Variants in DLGAP5 observed in about 807,000 individuals in gnomAD.
DLGAP5 encodes the protein disks large-associated protein 5.
In DLGAP5, 90 loss-of-function variants were observed where a neutral mutation model predicts 99.6. The observed-to-expected ratio is 0.90, with a 90% CI of 0.76 to 1.08. The LOEUF (loss-of-function observed/expected upper bound fraction) is 1.08. Ranked by LOEUF, DLGAP5 falls within the 50% of genes least tolerant of loss-of-function variation. DLGAP5 has a pLI of 0.00. For missense variants in DLGAP5, 1,036 were observed against 983.5 expected, an observed-to-expected ratio of 1.05 and a Z score of -0.71; for synonymous variants, 311 against 321.3, an observed-to-expected ratio of 0.97 and a Z score of 0.34.
In DLGAP5 at chr14:55,176,924, G is replaced by C. The variant is rs905147947; in HGVS notation, c.1049+138C>G. On this transcript the variant is annotated intron_variant, in intron 8 of 18. Transcript: ENST00000247191. ...ACCCGGGTGGCGGAGCTTACAGTGA[G>C]GGGAGATCACGCCACTGCACTCCAG... is the stretch of plus-strand genomic sequence containing the variant. The C allele has an allele frequency of 1.6e-5, 10 of 635,972 alleles. No homozygotes were observed. The East Asian group carries it at 3.8e-4, about 24-fold the overall frequency. The allele number at this position is 635,972 out of a possible 1,614,324, so 39.4% of individuals were successfully genotyped here.
intron 13 of DLGAP5, among the ~76,000 whole-genome samples, chr14:55,160,017 A>G (rs1421501887): frequency 6.6e-6 from 1 of 152,118 alleles, no homozygotes; most frequent in Non-Finnish European, 1.5e-5. Flanking sequence ...AGCCTGGCCA[A>G]CATGGAGAAA....
intron 10 of DLGAP5, among the ~76,000 whole-genome samples, chr14:55,174,703 A>G (rs28458773): frequency 0.027 from 4,049 of 152,204 alleles, 174 homozygotes; most frequent in African/African-American, 0.093. Context: ...AGATATATAT[A>G]TATTTTGAGA....
rs151302017 is a variant in DLGAP5 at position 55,177,037 on chromosome 14, CTTATTA to C, written c.1049+19_1049+24del. ...ATTTATTACCCATCTTAGCAAGAGA[CTTATTA>C]TTAAGATCATATTCTTACACTTCTG... On this transcript the variant is annotated intron_variant, in intron 8 of 18. Transcript: ENST00000247191. 1 of 846,242 alleles carries C rather than the reference CTTATTA, an allele frequency of 1.2e-6. No individual in the cohort carries two copies. The highest frequency in any genetic ancestry group is 1.6e-6 in the Non-Finnish European group (1 of 626,906). The allele number at this position is 846,242 out of a possible 1,614,324, so 52.4% of individuals were successfully genotyped here.
Position 55,158,540 on chromosome 14 carries a change from G to A in DLGAP5, c.1855C>T (p.Pro619Ser). 1 of 1,613,340 alleles carries A rather than the reference G, an allele frequency of 6.2e-7. No homozygotes were observed. Among genetic ancestry groups the A allele is most frequent in the Non-Finnish European group, 8.5e-7 (1 of 1,179,658 alleles). Reference sequence around the variant, plus strand: ...AACTAACCTGAGAATAATTTAACAGGACTTTCAACTCTGAAAAATCCAGCA... The same window carrying A: ...AACTAACCTGAGAATAATTTAACAGAACTTTCAACTCTGAAAAATCCAGCA... Reference protein sequence around the residue: ...FDAGFFRVESPVKLFSGLSVS... With the variant: ...FDAGFFRVESSVKLFSGLSVS... The change falls in exon 14 of 19, where the codon CCT (proline) becomes TCT (serine). Residue 619 changes from proline (P) to serine (S), a missense_variant. Coordinates refer to ENST00000247191, the MANE Select transcript of DLGAP5 (RefSeq NM_014750.5).
chr14:55,152,773 A>C, intron 15 of DLGAP5, 126 bp from the exon 16 acceptor site: 2 of 720,240 alleles, frequency 2.8e-6, no homozygotes, highest in Non-Finnish European at 4.2e-6. Context: ...GCCTGGTGCA[A>C]GATCAGGCGT....
chr14:55,162,252 A>G (rs934221706), intron 13 of DLGAP5, among the ~76,000 whole-genome samples: 4 of 152,324 alleles, frequency 2.6e-5, no homozygotes, highest in African/African-American at 9.6e-5. Context: ...ATAATATTTG[A>G]CACATACTAA....
intron 14 of DLGAP5, among the ~76,000 whole-genome samples, chr14:55,156,839 T>C (rs1363480413): frequency 1.3e-5 from 2 of 152,206 alleles, no homozygotes; most frequent in African/African-American, 4.8e-5. Context: ...TGCAGAATGT[T>C]ATAAAATGAA....
chr14:55,177,521 C>T (rs980336796), intron 7 of DLGAP5, among the ~76,000 whole-genome samples, 185 bp from the exon 8 acceptor site: 1 of 151,576 alleles, frequency 6.6e-6, no homozygotes, highest in Non-Finnish European at 1.5e-5. Flanking sequence ...AAATCCATTG[C>T]TATTACCCGG....
At position 55,177,298 on chromosome 14, in the gene DLGAP5, C is replaced by G. The variant is rs760482885; in HGVS notation, c.813G>C (p.Leu271Phe). The change falls in exon 8 of 19, where the codon TTG becomes TTC. Residue 271 changes from leucine to phenylalanine, a missense_variant. By Grantham distance (22) the Leu-to-Phe change is conservative. Transcript: ENST00000247191. ...CACTTGTTGCATTAGTTTGTGAATT[C>G]AAAGTATTTTCTTCACTATCGACTT... is the stretch of plus-strand genomic sequence containing the variant. ...SCKVDSEENT[L>F]NSQTNATSGM... 3.1e-6 allele frequency: 5 copies of G among 1,607,074 alleles called. No individual in the cohort carries two copies. The African/African-American group carries it at 6.7e-5, about 22-fold the overall frequency.
At chr14:55,157,983 A>G (rs1380768206) in intron 14 of DLGAP5, among the ~76,000 whole-genome samples, 6 of 152,138 alleles carry the variant, frequency 3.9e-5, no homozygotes, top group Non-Finnish European at 5.9e-5. Context: ...GGCTGGTCTC[A>G]AACTCTTAGC....
intron 10 of DLGAP5, among the ~76,000 whole-genome samples, chr14:55,171,363 C>A (rs1472658061): frequency 1.3e-5 from 2 of 152,090 alleles, no homozygotes; most frequent in East Asian, 3.8e-4. Context: ...TACAAAACAT[C>A]CTACGATGTA....
At chr14:55,159,466 G>C (rs947745257) in intron 13 of DLGAP5, among the ~76,000 whole-genome samples, 1 of 152,204 alleles carries the variant, frequency 6.6e-6, no homozygotes, top group East Asian at 1.9e-4. Flanking sequence ...AGAGATATTT[G>C]AAAGGTAGAA....
chr14:55,154,529 T>C (rs1882134756), intron 15 of DLGAP5, 88 bp downstream of exon 15: 1 of 1,084,746 alleles, frequency 9.2e-7, no homozygotes, highest in African/African-American at 1.6e-5. Flanking sequence ...TAAAAATATA[T>C]GTCTGGCACC....
At chr14:55,171,688 A>C (rs1426079507) in intron 10 of DLGAP5, among the ~76,000 whole-genome samples, 1 of 152,238 alleles carries the variant, frequency 6.6e-6, no homozygotes, top group African/African-American at 2.4e-5. Context: ...ATAGCTGTTC[A>C]CAACAGTTAA....
At chr14:55,168,173 G>C (rs1361625701) in intron 12 of DLGAP5, among the ~76,000 whole-genome samples, 1 of 152,050 alleles carries the variant, frequency 6.6e-6, no homozygotes, top group Non-Finnish European at 1.5e-5. Flanking sequence ...GGCTGGTCTT[G>C]AACTCCTGGG....
chr14:55,180,932 C>G (rs558654270), intron 5 of DLGAP5, among the ~76,000 whole-genome samples, 154 bp from the exon 6 acceptor site: 1 of 152,134 alleles, frequency 6.6e-6, no homozygotes, highest in East Asian at 1.9e-4. Context: ...GCCTAGGCAA[C>G]ATAGTGAGAC....
intron 15 of DLGAP5, among the ~76,000 whole-genome samples, chr14:55,154,088 C>G (rs1355205005): frequency 2.0e-5 from 3 of 150,000 alleles, no homozygotes; most frequent in Admixed American, 6.7e-5. Context: ...AGAAGCATAT[C>G]TAGCCCATAA....
chr14:55,173,319 GCCAC>G (rs1882932395), intron 10 of DLGAP5, among the ~76,000 whole-genome samples: 1 of 149,124 alleles, frequency 6.7e-6, no homozygotes, highest in Admixed American at 6.7e-5. Context: ...ACCAAAATTA[GCCAC>G]CCACTGGCAG....
rs1353316807 is a variant in DLGAP5 at position 55,148,708 on chromosome 14, C to T, written c.2419-235G>A. ...ACCTCAAAAACAAACAAACAAGAAA[C>T]ACGTAAACATTTTCCCTATATAACA... On this transcript the variant is annotated intron_variant, in intron 18 of 18. Transcript: ENST00000247191. 1.6e-5 allele frequency: 11 copies of T among 685,970 alleles called. No homozygotes were observed. The Admixed American group carries it at 2.8e-4, about 18-fold the overall frequency. The allele number at this position is 685,970 out of a possible 1,614,324, so 42.5% of individuals were successfully genotyped here.
Sources: allele counts gnomAD v4.1 joint callset (sites outside exome capture counted in the v4.1 genomes callset), GRCh38; gene constraint gnomAD v4.1.1; transcripts MANE v1.5; gene names NCBI Gene and HGNC (gene_info 2026-07-23, HGNC 2026-07-21).